Variants in SGK1 observed in about 807,000 individuals in gnomAD.
SGK1 encodes serine/threonine-protein kinase Sgk1.
Under a neutral mutation model 64.2 loss-of-function variants are expected in SGK1, and 26 were observed. The observed-to-expected ratio is 0.40, with a 90% confidence interval of 0.30 to 0.56. The LOEUF (loss-of-function observed/expected upper bound fraction) is 0.56. Ranked by LOEUF, SGK1 falls within the 20% of genes least tolerant of loss-of-function variation. The probability of loss-of-function intolerance (pLI) is 0.38; values close to 1 mark genes in which losing one functional copy is unlikely to be tolerated. For missense variants in SGK1, 519 were observed against 645.6 expected, an observed-to-expected ratio of 0.80 and a Z score of 2.12; for synonymous variants, 265 against 239.7, an observed-to-expected ratio of 1.11 and a Z score of -0.98.
chr6:134,210,956 C>T (rs1447959453), intron 2 of SGK1, among the ~76,000 whole-genome samples: 1 of 151,910 alleles, frequency 6.6e-6, no homozygotes, highest in East Asian at 1.9e-4. Flanking sequence ...GAAACCCCGT[C>T]TCTACTAAGA....
intron 1 of SGK1, chr6:134,297,421 T>C (rs1423648640): frequency 4.2e-6 from 3 of 711,428 alleles, no homozygotes; most frequent in Non-Finnish European, 5.1e-6. Context: ...GCATCTGCGA[T>C]GGCAGTCTCC....
chr6:134,261,502 A>G (rs749770809), intron 2 of SGK1: 20 of 329,038 alleles, frequency 6.1e-5, no homozygotes, highest in Non-Finnish European at 1.0e-4. Context: ...GAGGGGATGA[A>G]TAGTGGAGGG....
At chr6:134,236,840 C>CA (rs11424366) in intron 2 of SGK1, among the ~76,000 whole-genome samples, 23,845 of 151,896 alleles carry the variant, frequency 0.16, 3,140 homozygotes, top group African/African-American at 0.36. Context: ...CTCCCCTTCT[C>CA]AAAAAATCAA....
At chr6:134,209,511 A>G (rs909995969) in intron 2 of SGK1, among the ~76,000 whole-genome samples, 1 of 152,288 alleles carries the variant, frequency 6.6e-6, no homozygotes. Flanking sequence ...CTGCTTTTCC[A>G]TTTATATATA....
chr6:134,233,987 T>C (rs1776327445), intron 2 of SGK1, among the ~76,000 whole-genome samples: 1 of 152,232 alleles, frequency 6.6e-6, no homozygotes, highest in African/African-American at 2.4e-5. Context: ...ATCAGTGTCA[T>C]AGTAAAATAA....
chr6:134,195,993 ATTCT>A, intron 3 of SGK1, among the ~76,000 whole-genome samples: 1 of 152,344 alleles, frequency 6.6e-6, no homozygotes, highest in East Asian at 1.9e-4. Context: ...AAATGACATA[ATTCT>A]TTCTCCAGGT....
chr6:134,253,860 C>G (rs1420068022), intron 2 of SGK1, among the ~76,000 whole-genome samples: 2 of 152,242 alleles, frequency 1.3e-5, no homozygotes, highest in African/African-American at 4.8e-5. Flanking sequence ...TTCACTAGGC[C>G]TTTAAAACAG....
rs1483953874 is a variant in SGK1 at position 134,317,516 on chromosome 6, T to C, written c.-56A>G. The C allele has an allele frequency of 9.7e-7, 1 of 1,032,264 alleles. No homozygotes were observed. Among genetic ancestry groups the C allele is most frequent in the African/African-American group, 1.6e-5 (1 of 63,900 alleles). The allele number at this position is 1,032,264 out of a possible 1,614,324, so 63.9% of individuals were successfully genotyped here. A position where few individuals can be genotyped will look rare whatever the true frequency, so the allele number is the denominator to read the frequency against. On this transcript the variant is annotated 5_prime_UTR_variant, in exon 1 of 14. Coordinates refer to ENST00000367858, the MANE Select transcript of SGK1 (RefSeq NM_001143676.3). ...TCCAGGTTGGCACCCGCCTGGTTAG[T>C]GCATATCTGTTTCCCCGGTTTACCT... is the stretch of plus-strand genomic sequence containing the variant.
At chr6:134,249,960 T>A (rs904117656) in intron 2 of SGK1, among the ~76,000 whole-genome samples, 4 of 152,222 alleles carry the variant, frequency 2.6e-5, no homozygotes, top group African/African-American at 9.6e-5. Flanking sequence ...TACAAAGACC[T>A]ATAACCTCTG....
chr6:134,242,847 C>T (rs1776469857), intron 2 of SGK1, among the ~76,000 whole-genome samples: 2 of 152,220 alleles, frequency 1.3e-5, no homozygotes, highest in South Asian at 4.1e-4. Context: ...GATATTTCAA[C>T]TAATGGTTAA....
At chr6:134,314,284 G>A (rs941449251) in intron 1 of SGK1, among the ~76,000 whole-genome samples, 17 of 152,010 alleles carry the variant, frequency 1.1e-4, no homozygotes, top group Admixed American at 4.6e-4. Flanking sequence ...CTAGAAAGGA[G>A]CTGGAAGAGG....
At chr6:134,292,873 T>G (rs1777288019) in intron 1 of SGK1, among the ~76,000 whole-genome samples, 1 of 152,196 alleles carries the variant, frequency 6.6e-6, no homozygotes. Context: ...TACTGATACA[T>G]CTTCCCAATG....
chr6:134,233,451 A>G (rs1303655536), intron 2 of SGK1, among the ~76,000 whole-genome samples: 1 of 152,160 alleles, frequency 6.6e-6, no homozygotes, highest in African/African-American at 2.4e-5. Context: ...ATTTCTATTG[A>G]CTAGTTTCCC....
chr6:134,296,263 C>T (rs886722965), intron 1 of SGK1, among the ~76,000 whole-genome samples: 1 of 152,086 alleles, frequency 6.6e-6, no homozygotes, highest in African/African-American at 2.4e-5. Flanking sequence ...GTAAATTTTT[C>T]ATTTTGTTTA....
At chr6:134,198,429 G>C (rs1226860168) in intron 3 of SGK1, among the ~76,000 whole-genome samples, 2 of 152,148 alleles carry the variant, frequency 1.3e-5, no homozygotes, top group East Asian at 3.8e-4. Flanking sequence ...TACTTCGGCA[G>C]ACAAGCAATT....
At chr6:134,192,298 G>C (rs901882441) in intron 3 of SGK1, among the ~76,000 whole-genome samples, 1 of 151,930 alleles carries the variant, frequency 6.6e-6, no homozygotes, top group African/African-American at 2.4e-5. Context: ...GGGAAATGCT[G>C]ACTGCCACGC....
At chr6:134,309,321 C>T (rs117872523) in intron 1 of SGK1, among the ~76,000 whole-genome samples, 1,638 of 152,298 alleles carry the variant, frequency 0.011, 18 homozygotes, top group Non-Finnish European at 0.018. Flanking sequence ...AGGAGGCCAA[C>T]GCAGCACCGA....
intron 1 of SGK1, among the ~76,000 whole-genome samples, chr6:134,266,541 G>A (rs115035457): frequency 0.013 from 2,014 of 152,116 alleles, 56 homozygotes; most frequent in African/African-American, 0.044. Context: ...CTTGAACCTC[G>A]GAGGCAGAGG....
intron 10 of SGK1, chr6:134,171,963 A>G (rs1775042687): frequency 1.5e-5 from 10 of 648,718 alleles, no homozygotes; most frequent in Non-Finnish European, 2.4e-5. Flanking sequence ...GGGATTTAGA[A>G]AGTTTTTATG....
Sources: allele counts gnomAD v4.1 joint callset (sites outside exome capture counted in the v4.1 genomes callset), GRCh38; gene constraint gnomAD v4.1.1; transcripts MANE v1.5; gene names NCBI Gene and HGNC (gene_info 2026-07-23, HGNC 2026-07-21).